Variants in ABCC4 observed in about 807,000 individuals in gnomAD.
ABCC4 encodes the protein ATP binding cassette subfamily C member 4 (PEL blood group).
A neutral mutation model predicts 168.5 loss-of-function variants in ABCC4; 102 were observed. That is an observed-to-expected ratio of 0.61 (90% CI 0.52 to 0.71). The LOEUF is 0.71. Ranked by LOEUF, ABCC4 falls within the 30% of genes least tolerant of loss-of-function variation. The pLI is 0.00. For missense variants in ABCC4, 1,402 were observed against 1,605.8 expected (o/e 0.87, Z 2.17); for synonymous variants, 617 against 590.7 (o/e 1.04, Z -0.65).
At chr13:95,114,456 C>T (rs1405926414) in intron 20 of ABCC4, among the ~76,000 whole-genome samples, 6 of 152,080 alleles carry the variant, frequency 3.9e-5, no homozygotes, top group South Asian at 2.1e-4. Flanking sequence ...CCTGTCAAAA[C>T]GTGTACAGAC....
intron 1 of ABCC4, among the ~76,000 whole-genome samples, chr13:95,284,911 CT>C (rs1289285058): frequency 6.6e-6 from 1 of 152,128 alleles, no homozygotes; most frequent in Non-Finnish European, 1.5e-5. Context: ...AATAGCCCCC[CT>C]GCCTACAGGA....
chr13:95,048,228 A>G (rs145675186), intron 27 of ABCC4, among the ~76,000 whole-genome samples: 39 of 152,358 alleles, frequency 2.6e-4, no homozygotes, highest in Non-Finnish European at 5.3e-4. Context: ...AAAGGTTGTA[A>G]TTTCAGGAAA....
intron 4 of ABCC4, among the ~76,000 whole-genome samples, chr13:95,213,831 C>T (rs2039031973): frequency 6.6e-6 from 1 of 152,104 alleles, no homozygotes; most frequent in Non-Finnish European, 1.5e-5. Flanking sequence ...GAACAAAACT[C>T]AATGCTCTTT....
At chr13:95,187,326 C>A (rs1304223475) in intron 10 of ABCC4, among the ~76,000 whole-genome samples, 1 of 152,192 alleles carries the variant, frequency 6.6e-6, no homozygotes, top group East Asian at 1.9e-4. Context: ...ATATCCTGGC[C>A]AGGTGCAGTG....
At chr13:95,217,980 A>G (rs1488460886) in intron 4 of ABCC4, among the ~76,000 whole-genome samples, 1 of 152,164 alleles carries the variant, frequency 6.6e-6, no homozygotes, top group Non-Finnish European at 1.5e-5. Flanking sequence ...ATTACCTACT[A>G]GTGTTTTAGA....
intron 1 of ABCC4, among the ~76,000 whole-genome samples, chr13:95,287,313 G>C (rs564848216): frequency 1.9e-4 from 29 of 151,614 alleles, no homozygotes; most frequent in African/African-American, 7.0e-4. Flanking sequence ...AACTGGCCAG[G>C]GATGGTGGCT....
At chr13:95,235,236 C>T (rs2039733332) in intron 3 of ABCC4, among the ~76,000 whole-genome samples, 1 of 152,104 alleles carries the variant, frequency 6.6e-6, no homozygotes, top group Non-Finnish European at 1.5e-5. Flanking sequence ...GTGCAACATT[C>T]ATCACTCATC....
At chr13:95,290,144 A>ATAGATAGATAGG (rs1555342195) in intron 1 of ABCC4, among the ~76,000 whole-genome samples, 1 of 151,248 alleles carries the variant, frequency 6.6e-6, no homozygotes, top group African/African-American at 2.5e-5. Context: ...AGATAGATAG[A>ATAGATAGATAGG]TAGATGATAG....
intron 20 of ABCC4, among the ~76,000 whole-genome samples, chr13:95,108,185 C>A (rs2035073833): frequency 1.3e-5 from 2 of 152,036 alleles, no homozygotes. Context: ...TCTAAAGACA[C>A]AGGGGGTAAG....
At chr13:95,246,189 G>C (rs2040101112) in intron 3 of ABCC4, among the ~76,000 whole-genome samples, 1 of 152,162 alleles carries the variant, frequency 6.6e-6, no homozygotes, top group African/African-American at 2.4e-5. Context: ...ATTTTTCATG[G>C]AATGTCCATT....
At chr13:95,276,603 G>T (rs950500182) in intron 1 of ABCC4, among the ~76,000 whole-genome samples, 1 of 151,892 alleles carries the variant, frequency 6.6e-6, no homozygotes, top group Non-Finnish European at 1.5e-5. Context: ...GCAGCCACCC[G>T]CCTCTCTTTC....
chr13:95,127,361 C>T (rs982547284), intron 19 of ABCC4, among the ~76,000 whole-genome samples: 1 of 152,198 alleles, frequency 6.6e-6, no homozygotes, highest in African/African-American at 2.4e-5. Flanking sequence ...TCTTGGCTCA[C>T]TGCAACCTCC....
intron 8 of ABCC4, among the ~76,000 whole-genome samples, chr13:95,204,061 T>C (rs1298649883): frequency 1.3e-5 from 2 of 152,122 alleles, no homozygotes; most frequent in African/African-American, 4.8e-5. Flanking sequence ...ACCAGGCTCC[T>C]GAGACCTGGC....
chr13:95,240,933 T>A (rs2039924165), intron 3 of ABCC4, among the ~76,000 whole-genome samples: 1 of 152,020 alleles, frequency 6.6e-6, no homozygotes, highest in Admixed American at 6.6e-5. Context: ...ATCACACCAC[T>A]GCACTCTAAC....
intron 27 of ABCC4, among the ~76,000 whole-genome samples, chr13:95,045,981 C>T (rs1169274308): frequency 6.6e-6 from 1 of 152,166 alleles, no homozygotes; most frequent in Non-Finnish European, 1.5e-5. Context: ...TTGGCATTAG[C>T]ATGCAAGGTA....
At chr13:95,225,940 G>A (rs1425809193) in intron 4 of ABCC4, among the ~76,000 whole-genome samples, 6 of 137,112 alleles carry the variant, frequency 4.4e-5, no homozygotes, top group Non-Finnish European at 7.7e-5. Context: ...GATCATCCTG[G>A]GCAACATACT....
At chr13:95,262,318 G>A (rs1220486036) in intron 1 of ABCC4, among the ~76,000 whole-genome samples, 1 of 152,232 alleles carries the variant, frequency 6.6e-6, no homozygotes, top group Non-Finnish European at 1.5e-5. Flanking sequence ...AATATGGAAA[G>A]AGGGAGAACC....
chr13:95,123,998 G>A (rs1005992462), intron 19 of ABCC4, among the ~76,000 whole-genome samples: 33 of 152,278 alleles, frequency 2.2e-4, no homozygotes, highest in African/African-American at 5.8e-4. Context: ...AAAGGGTGAC[G>A]GGATGACAAA....
chr13:95,151,162 T>C (rs1442093764), intron 19 of ABCC4, among the ~76,000 whole-genome samples: 2 of 152,162 alleles, frequency 1.3e-5, no homozygotes, highest in Non-Finnish European at 2.9e-5. Flanking sequence ...AGATCATAGA[T>C]TCTGACACAG....
Sources: gnomAD v4.1 joint callset for allele counts (sites outside exome capture counted in the v4.1 genomes callset) on GRCh38, gnomAD v4.1.1 for gene constraint, MANE v1.5 for transcripts, NCBI Gene and HGNC (gene_info 2026-07-23, HGNC 2026-07-21) for gene names.